DOCK3: variants seen among roughly 807,000 people sequenced by gnomAD.
DOCK3 encodes dedicator of cytokinesis protein 3.
A neutral mutation model predicts 265.6 loss-of-function variants in DOCK3; 60 were observed. That is an observed-to-expected ratio of 0.23 (90% CI 0.18 to 0.28). DOCK3 has a LOEUF of 0.28. Ranked by LOEUF, DOCK3 falls within the 10% of genes least tolerant of loss-of-function variation. The pLI, the probability that DOCK3 is intolerant of heterozygous loss-of-function variation, is 1.00. For missense variants in DOCK3, 1,981 were observed against 2,594.3 expected (o/e 0.76, Z 5.14); for synonymous variants, 881 against 938.0 (o/e 0.94, Z 1.11).
At chr3:51,013,538 G>A (rs570453425) in intron 5 of DOCK3, among the ~76,000 whole-genome samples, 1 of 152,290 alleles carries the variant, frequency 6.6e-6, no homozygotes, top group Non-Finnish European at 1.5e-5. Flanking sequence ...CATTCCTCTG[G>A]AAGCTTTGTC....
chr3:51,362,747 T>C, intron 49 of DOCK3, 73 bp downstream of exon 49: 1 of 1,553,414 alleles, frequency 6.4e-7, no homozygotes, highest in Non-Finnish European at 8.7e-7. Flanking sequence ...CTTCCTCTCA[T>C]CTGTGGCTGT....
intron 1 of DOCK3, among the ~76,000 whole-genome samples, chr3:50,752,098 T>G (rs533296155): frequency 8.5e-5 from 13 of 152,310 alleles, no homozygotes; most frequent in African/African-American, 2.9e-4. Context: ...TTTTTGTCTT[T>G]TCTTTTCTGC....
At chr3:50,951,397 A>G (rs1219496662) in intron 5 of DOCK3, among the ~76,000 whole-genome samples, 1 of 152,130 alleles carries the variant, frequency 6.6e-6, no homozygotes, top group Non-Finnish European at 1.5e-5. Flanking sequence ...TCTTTTCCAC[A>G]TTTGGCTTCC....
At chr3:51,179,097 A>G (rs1260533085) in intron 12 of DOCK3, among the ~76,000 whole-genome samples, 3 of 152,200 alleles carry the variant, frequency 2.0e-5, no homozygotes, top group African/African-American at 7.2e-5. Flanking sequence ...AGAGTATTCC[A>G]TCTCACCAGG....
intron 7 of DOCK3, among the ~76,000 whole-genome samples, chr3:51,080,965 A>G (rs1294522686): frequency 6.6e-6 from 1 of 151,578 alleles, no homozygotes; most frequent in Non-Finnish European, 1.5e-5. Flanking sequence ...TTGTGCATAT[A>G]CATTCTATAT....
chr3:51,022,347 G>A (rs1034307828), intron 5 of DOCK3, among the ~76,000 whole-genome samples: 10 of 152,268 alleles, frequency 6.6e-5, no homozygotes, highest in African/African-American at 2.4e-4. Flanking sequence ...CACTTCTACT[G>A]TAATGTGCTT....
At chr3:50,892,616 T>G (rs1459100192) in intron 4 of DOCK3, among the ~76,000 whole-genome samples, 1 of 152,048 alleles carries the variant, frequency 6.6e-6, no homozygotes, top group Non-Finnish European at 1.5e-5. Context: ...CCTCTTTCTA[T>G]CCCACCTCAC....
intron 12 of DOCK3, among the ~76,000 whole-genome samples, chr3:51,200,303 A>G (rs2088634572): frequency 6.6e-6 from 1 of 151,894 alleles, no homozygotes; most frequent in Non-Finnish European, 1.5e-5. Flanking sequence ...AGACGAATGT[A>G]TAACTACAAT....
intron 4 of DOCK3, among the ~76,000 whole-genome samples, chr3:50,904,796 A>G (rs552879518): frequency 6.6e-6 from 1 of 151,902 alleles, no homozygotes; most frequent in African/African-American, 2.4e-5. Flanking sequence ...CCATTTGTCT[A>G]TTTTTGCTTT....
intron 33 of DOCK3, among the ~76,000 whole-genome samples, chr3:51,330,630 A>AT (rs1394390800): frequency 6.6e-6 from 1 of 151,984 alleles, no homozygotes; most frequent in Non-Finnish European, 1.5e-5. Context: ...AGGTAGTACA[A>AT]TCAGCTCACA....
chr3:51,336,340 GT>G (rs60903466), intron 35 of DOCK3, among the ~76,000 whole-genome samples: 17 of 144,870 alleles, frequency 1.2e-4, no homozygotes, highest in South Asian at 4.4e-4. Flanking sequence ...GGGTTTTTTT[GT>G]TTTTTTTTTT....
chr3:50,781,267 C>CTTTT (rs34844040), intron 2 of DOCK3, among the ~76,000 whole-genome samples: 5 of 120,478 alleles, frequency 4.2e-5, no homozygotes, highest in Non-Finnish European at 8.3e-5. Context: ...TATAGTAGTT[C>CTTTT]TTTTTTTTTT....
intron 49 of DOCK3, among the ~76,000 whole-genome samples, chr3:51,363,714 C>A (rs992645616): frequency 6.6e-6 from 1 of 152,162 alleles, no homozygotes; most frequent in South Asian, 2.1e-4. Context: ...TCAGTTCTCA[C>A]CTATGAGTGA....
At chr3:50,759,209 A>C (rs1268057993) in intron 1 of DOCK3, among the ~76,000 whole-genome samples, 12 of 152,160 alleles carry the variant, frequency 7.9e-5, no homozygotes, top group African/African-American at 2.9e-4. Context: ...TAACTAAATT[A>C]AGTATTTAAT....
At chr3:50,892,421 G>A (rs1440692522) in intron 4 of DOCK3, among the ~76,000 whole-genome samples, 1 of 152,000 alleles carries the variant, frequency 6.6e-6, no homozygotes, top group African/African-American at 2.4e-5. Flanking sequence ...TACTCCAGAG[G>A]AGCACAAAAC....
chr3:51,083,394 A>G (rs1445606270), intron 7 of DOCK3, among the ~76,000 whole-genome samples: 1 of 152,232 alleles, frequency 6.6e-6, no homozygotes, highest in Non-Finnish European at 1.5e-5. Context: ...ATAAAAAAGC[A>G]AAGATACATG....
chr3:51,305,734 G>GTGTGTGTGTA (rs1560398314), intron 27 of DOCK3, among the ~76,000 whole-genome samples: 1 of 4,328 alleles, frequency 2.3e-4, no homozygotes, highest in African/African-American at 8.8e-4. Context: ...GTGTGTGTGC[G>GTGTGTGTGTA]CGTGTGTGTG....
intron 5 of DOCK3, among the ~76,000 whole-genome samples, chr3:51,001,027 AC>A (rs2108685761): frequency 6.6e-6 from 1 of 152,314 alleles, no homozygotes. Context: ...TGGACATCCC[AC>A]AATTTGTTTA....
chr3:51,353,419 C>G (rs1352243115), intron 40 of DOCK3, among the ~76,000 whole-genome samples: 1 of 152,150 alleles, frequency 6.6e-6, no homozygotes, highest in Non-Finnish European at 1.5e-5. Context: ...CGAGACCAGC[C>G]TGGCCAACAT....
Sources: allele counts gnomAD v4.1 joint callset (sites outside exome capture counted in the v4.1 genomes callset), GRCh38; gene constraint gnomAD v4.1.1; transcripts MANE v1.5; gene names NCBI Gene and HGNC (gene_info 2026-07-23, HGNC 2026-07-21).